The following DGKB variants were observed in gnomAD, a reference collection of about 807,000 sequenced individuals.
DGKB encodes the protein 90 kDa diacylglycerol kinase.
Under a neutral mutation model 114.3 loss-of-function variants are expected in DGKB, and 67 were observed. The observed-to-expected ratio is 0.59, with a 90% CI of 0.48 to 0.72. The LOEUF (loss-of-function observed/expected upper bound fraction) is 0.72. DGKB is among the 30% of genes least tolerant of loss of function. The probability of loss-of-function intolerance (pLI) is 0.00; values close to 1 mark genes in which losing one functional copy is unlikely to be tolerated. For synonymous variants in DGKB, 398 were observed against 323.1 expected (o/e 1.23, Z -2.49); for missense variants, 907 against 975.2 (o/e 0.93, Z 0.93).
chr7:14,755,494 T>G (rs1834739633), intron 3 of DGKB, among the ~76,000 whole-genome samples: 1 of 152,172 alleles, frequency 6.6e-6, no homozygotes, highest in Admixed American at 6.6e-5. Context: ...GTTGCATTAC[T>G]CAATTGTCCA....
At chr7:14,553,936 G>A (rs900642512) in intron 20 of DGKB, among the ~76,000 whole-genome samples, 3 of 144,536 alleles carry the variant, frequency 2.1e-5, no homozygotes, top group Non-Finnish European at 3.0e-5. Flanking sequence ...GCAGTGGCGG[G>A]ATCTCGGCTC....
At chr7:14,765,921 C>T (rs1836384691) in intron 2 of DGKB, among the ~76,000 whole-genome samples, 1 of 151,888 alleles carries the variant, frequency 6.6e-6, no homozygotes, top group Non-Finnish European at 1.5e-5. Flanking sequence ...CAATTGCTGT[C>T]TTGTAAATAT....
intron 6 of DGKB, among the ~76,000 whole-genome samples, chr7:14,702,662 G>C (rs1825405338): frequency 1.3e-5 from 2 of 152,134 alleles, no homozygotes; most frequent in African/African-American, 4.8e-5. Flanking sequence ...GTACGGGTTT[G>C]TCTTGGGTTT....
At chr7:14,950,463 T>A (rs1022620571) in intron 1 of DGKB, among the ~76,000 whole-genome samples, 1 of 151,806 alleles carries the variant, frequency 6.6e-6, no homozygotes, top group African/African-American at 2.4e-5. Flanking sequence ...AATTAATGAA[T>A]CCATAAACTT....
intron 25 of DGKB, among the ~76,000 whole-genome samples, chr7:14,172,994 G>A (rs1781232126): frequency 6.6e-6 from 1 of 152,122 alleles, no homozygotes; most frequent in African/African-American, 2.4e-5. Context: ...CCTAAAGACA[G>A]CTCTTCTAAG....
At chr7:14,440,796 A>T (rs984712862) in intron 21 of DGKB, among the ~76,000 whole-genome samples, 1 of 152,184 alleles carries the variant, frequency 6.6e-6, no homozygotes, top group Admixed American at 6.6e-5. Flanking sequence ...TCTACTGACA[A>T]GTTGCTCTTC....
At chr7:14,281,314 T>G (rs1799917964) in intron 23 of DGKB, among the ~76,000 whole-genome samples, 1 of 148,848 alleles carries the variant, frequency 6.7e-6, no homozygotes, top group South Asian at 2.2e-4. Context: ...GAGCTAACTA[T>G]CCTAAATATA....
At chr7:14,208,255 A>T (rs79119111) in intron 23 of DGKB, among the ~76,000 whole-genome samples, 7,063 of 152,106 alleles carry the variant, frequency 0.046, 544 homozygotes, top group African/African-American at 0.16. Context: ...TTAAAATAAA[A>T]CATTTACTTG....
At chr7:14,877,569 CAGAA>C (rs796589907) in intron 1 of DGKB, among the ~76,000 whole-genome samples, 22 of 152,214 alleles carry the variant, frequency 1.4e-4, no homozygotes, top group African/African-American at 4.3e-4. Context: ...AAACAAAAAA[CAGAA>C]AGAAAAGTAA....
At chr7:14,918,097 T>C (rs1489744504) in intron 1 of DGKB, among the ~76,000 whole-genome samples, 2 of 152,204 alleles carry the variant, frequency 1.3e-5, no homozygotes, top group Non-Finnish European at 1.5e-5. Context: ...GGAGAGAAAT[T>C]CCCCTATTTG....
intron 13 of DGKB, among the ~76,000 whole-genome samples, chr7:14,653,360 A>T (rs1357512483): frequency 6.6e-6 from 1 of 152,176 alleles, no homozygotes; most frequent in Non-Finnish European, 1.5e-5. Flanking sequence ...TTGTAGGGAC[A>T]TGGATGAAAT....
intron 23 of DGKB, among the ~76,000 whole-genome samples, chr7:14,241,144 G>A (rs891908081): frequency 1.3e-5 from 2 of 152,010 alleles, no homozygotes; most frequent in Non-Finnish European, 2.9e-5. Context: ...ATCTAACCTA[G>A]CCCCATGGGC....
chr7:14,182,361 A>G lies in DGKB; in HGVS notation c.2123-4210T>C, dbSNP rs150250478. Among the ~76,000 whole-genome samples the G allele has an allele frequency of 6.7e-3, 1,013 of 152,156 alleles. 15 individuals carry two copies. The highest frequency in any genetic ancestry group is 0.023 in the African/African-American group (958 of 41,544). ...ATATCTCTAAATCAAAATTTCTAACAGCATTTTAATCTAATTTTTCATAGA... is the reference window on the plus strand; with the variant it reads ...ATATCTCTAAATCAAAATTTCTAACGGCATTTTAATCTAATTTTTCATAGA... On this transcript the variant is annotated intron_variant, in intron 23 of 25. Coordinates refer to ENST00000402815, the MANE Select transcript of DGKB (RefSeq NM_001350709.2).
chr7:14,390,179 C>T (rs763798805), intron 21 of DGKB, among the ~76,000 whole-genome samples: 3 of 152,122 alleles, frequency 2.0e-5, no homozygotes, highest in Non-Finnish European at 2.9e-5. Flanking sequence ...TAGAGAGTCT[C>T]TCATTATTCC....
rs558235346 is a variant in DGKB at position 14,149,145 on chromosome 7, G to A, written c.2398C>T (p.Arg800Ter). ...ACAACACAGGATTATTCCTTGCTTC[G>A]GTTTCTTGTCCTTTTGACGAGGGAG... Reference protein sequence around the residue: ...FCSLVKRTRNRSKE With the variant: ...FCSLVKRTRN The change falls in exon 26 of 26, where the codon CGA (arginine) becomes TGA (stop). Residue 800 changes from arginine (R) to a stop codon, truncating the protein, a stop_gained. Transcript: ENST00000402815. LOFTEE classifies it high-confidence loss of function. 3.1e-6 allele frequency: 5 copies of A among 1,613,148 alleles called. No homozygotes were observed. The highest frequency in any genetic ancestry group is 1.3e-5 in the African/African-American group (1 of 74,866).
chr7:14,303,271 T>C (rs1295321922), intron 23 of DGKB, among the ~76,000 whole-genome samples: 2 of 152,288 alleles, frequency 1.3e-5, no homozygotes, highest in Middle Eastern at 3.4e-3. Flanking sequence ...TTGCGTTTCA[T>C]TTTTACTTGA....
chr7:14,701,662 C>T lies in DGKB; in HGVS notation c.516+19G>A. On this transcript the variant is annotated intron_variant, in intron 7 of 25. Coordinates refer to ENST00000402815, the MANE Select transcript of DGKB (RefSeq NM_001350709.2). ...AAAATCTTTGAAGTTTTCACAGAAA[C>T]TTTGAAGAAAAAAATTACCGAGCTG... The T allele has an allele frequency of 6.3e-7, 1 of 1,585,582 alleles. No homozygotes were observed. The highest frequency in any genetic ancestry group is 2.2e-5 in the East Asian group (1 of 44,634).
chr7:14,918,830 C>A (rs974610610), intron 1 of DGKB, among the ~76,000 whole-genome samples: 1 of 151,608 alleles, frequency 6.6e-6, no homozygotes, highest in Non-Finnish European at 1.5e-5. Context: ...TTTGGGAGGC[C>A]GAGGGGGGCG....
chr7:14,559,064 G>T (rs2128665178), intron 20 of DGKB, among the ~76,000 whole-genome samples: 1 of 152,278 alleles, frequency 6.6e-6, no homozygotes, highest in East Asian at 1.9e-4. Context: ...TGTGTGAAAT[G>T]TGCTAGGATG....
Sources: allele counts gnomAD v4.1 joint callset (sites outside exome capture counted in the v4.1 genomes callset), GRCh38; gene constraint gnomAD v4.1.1; transcripts MANE v1.5; gene names NCBI Gene and HGNC (gene_info 2026-07-23, HGNC 2026-07-21).